Variants in FAM185A observed in about 807,000 individuals in gnomAD.
FAM185A encodes protein FAM185A.
FAM185A carries 21 observed loss-of-function variants against 45.7 expected under a neutral mutation model. The ratio of observed to expected loss-of-function variants is 0.46; its 90% CI spans 0.33 to 0.66. The LOEUF is 0.66. FAM185A is among the 30% of genes least tolerant of loss of function. The probability of loss-of-function intolerance (pLI) is 0.03; values close to 1 mark genes in which losing one functional copy is unlikely to be tolerated. For missense variants in FAM185A, 305 were observed against 485.4 expected, an observed-to-expected ratio of 0.63 and a Z score of 3.49; for synonymous variants, 117 against 194.0, an observed-to-expected ratio of 0.60 and a Z score of 3.30.
intron 7 of FAM185A, among the ~76,000 whole-genome samples, chr7:102,788,162 TTTTACCATGTTGGCCAGGCTGC>T: frequency 6.6e-6 from 1 of 151,960 alleles, no homozygotes; most frequent in Admixed American, 6.6e-5. Context: ...AGAGACAGGG[TTTTACCATGTTGGCCAGGCTGC>T]TCTCAAATTC....
At chr7:102,845,923 A>G in the FAM185A span, among the ~76,000 whole-genome samples, 1 of 152,176 alleles carries the variant, frequency 6.6e-6, no homozygotes, top group Admixed American at 6.5e-5. Context: ...TTATGACTAA[A>G]AGCATCCTTT....
At chr7:102,827,982 G>A in the FAM185A span, among the ~76,000 whole-genome samples, 130 of 152,222 alleles carry the variant, frequency 8.5e-4, no homozygotes, top group South Asian at 4.4e-3. Flanking sequence ...TTTGGTTACC[G>A]TAGCCTTGTA....
At chr7:102,806,563 G>GT (rs1259543894) in intron 7 of FAM185A, among the ~76,000 whole-genome samples, 2 of 126,440 alleles carry the variant, frequency 1.6e-5, no homozygotes, top group Non-Finnish European at 3.3e-5. Flanking sequence ...GTTTGTTTGT[G>GT]TTTTTTTGTT....
chr7:102,798,735 T>C (rs1263463155), intron 7 of FAM185A, among the ~76,000 whole-genome samples: 3 of 152,086 alleles, frequency 2.0e-5, no homozygotes, highest in Non-Finnish European at 4.4e-5. Flanking sequence ...TTTTATTTTA[T>C]TTTTAAATTT....
At chr7:102,815,112 T>C in the FAM185A span, among the ~76,000 whole-genome samples, 1 of 152,082 alleles carries the variant, frequency 6.6e-6, no homozygotes, top group Non-Finnish European at 1.5e-5. Flanking sequence ...CAAGGCTCCA[T>C]CATTACCCTT....
At chr7:102,804,748 C>G (rs1261925832) in intron 7 of FAM185A, among the ~76,000 whole-genome samples, 1 of 152,192 alleles carries the variant, frequency 6.6e-6, no homozygotes, top group South Asian at 2.1e-4. Flanking sequence ...AAACAGACAA[C>G]CCACAGAGTG....
At position 102,808,448 on chromosome 7, in the gene FAM185A, TC is replaced by T; in HGVS notation, c.*47del. The T allele has an allele frequency of 8.8e-7, 1 of 1,131,716 alleles. No homozygotes were observed. The highest frequency in any genetic ancestry group is 1.3e-6 in the Non-Finnish European group (1 of 766,696). The allele number at this position is 1,131,716 out of a possible 1,614,324, so 70.1% of individuals were successfully genotyped here. A position where few individuals can be genotyped will look rare whatever the true frequency, so the allele number is the denominator to read the frequency against. ...ATGATTTTTAACAATGATTCGCAGA[TC>T]TGTGACTACAAAAATGTAAATCCCA... On this transcript the variant is annotated 3_prime_UTR_variant, in exon 8 of 8. Transcript: ENST00000413034.
chr7:102,775,075 T>A (rs1794977333), intron 5 of FAM185A, among the ~76,000 whole-genome samples: 1 of 152,184 alleles, frequency 6.6e-6, no homozygotes, highest in South Asian at 2.1e-4. Flanking sequence ...ATATTTAAGG[T>A]ATACATGCAA....
chr7:102,784,418 G>A (rs185080603), intron 6 of FAM185A, among the ~76,000 whole-genome samples: 10 of 152,218 alleles, frequency 6.6e-5, no homozygotes, highest in Admixed American at 2.6e-4. Flanking sequence ...GATGAACATC[G>A]ATGCAAAAAT....
the FAM185A span, chr7:102,832,731 CA>C: frequency 2.3e-6 from 3 of 1,306,404 alleles, no homozygotes; most frequent in Non-Finnish European, 3.0e-6. Context: ...ATGAATACCT[CA>C]ACCATGGCAA....
chr7:102,823,036 C>T, the FAM185A span, among the ~76,000 whole-genome samples: 1 of 152,090 alleles, frequency 6.6e-6, no homozygotes, highest in South Asian at 2.1e-4. Context: ...CACTGGGTGA[C>T]GTAGCCTCAG....
intron 4 of FAM185A, among the ~76,000 whole-genome samples, chr7:102,768,805 G>A (rs896740536): frequency 2.0e-5 from 3 of 151,982 alleles, no homozygotes; most frequent in African/African-American, 7.2e-5. Context: ...TTGAGAGTAG[G>A]GTAAGCACAC....
At chr7:102,782,136 A>C (rs6953009) in intron 6 of FAM185A, among the ~76,000 whole-genome samples, 34,422 of 152,112 alleles carry the variant, frequency 0.23, 4,279 homozygotes, top group African/African-American at 0.34. Context: ...ACCTCCAAGA[A>C]ATATGGGACT....
intron 1 of FAM185A, among the ~76,000 whole-genome samples, chr7:102,750,762 G>T (rs889471381): frequency 1.3e-5 from 2 of 152,112 alleles, no homozygotes; most frequent in African/African-American, 4.8e-5. Flanking sequence ...AAATATCAGC[G>T]TTTTTAATTT....
intron 2 of FAM185A, among the ~76,000 whole-genome samples, chr7:102,754,070 T>C (rs1322749985): frequency 6.6e-6 from 1 of 152,246 alleles, no homozygotes; most frequent in African/African-American, 2.4e-5. Context: ...GAGAACACTT[T>C]GGTAAAATAT....
chr7:102,822,838 T>G, the FAM185A span, among the ~76,000 whole-genome samples: 1 of 152,212 alleles, frequency 6.6e-6, no homozygotes, highest in African/African-American at 2.4e-5. Flanking sequence ...TTTGGTAGGC[T>G]GAGGCAGGCA....
At chr7:102,799,186 T>G (rs2129443622) in intron 7 of FAM185A, among the ~76,000 whole-genome samples, 1 of 152,122 alleles carries the variant, frequency 6.6e-6, no homozygotes, top group African/African-American at 2.4e-5. Context: ...GAACCCCTTA[T>G]TGATGAAGAG....
the FAM185A span, among the ~76,000 whole-genome samples, chr7:102,836,929 A>C: frequency 6.6e-6 from 1 of 152,238 alleles, no homozygotes; most frequent in Non-Finnish European, 1.5e-5. Context: ...ATTAGGTCCC[A>C]ATTAATTCTA....
chr7:102,834,348 G>C, the FAM185A span, among the ~76,000 whole-genome samples: 2 of 146,294 alleles, frequency 1.4e-5, no homozygotes, highest in African/African-American at 5.0e-5. Flanking sequence ...ACCCTAATGG[G>C]TTACTAAAGA....
Sources: allele counts gnomAD v4.1 joint callset (sites outside exome capture counted in the v4.1 genomes callset), GRCh38; gene constraint gnomAD v4.1.1; transcripts MANE v1.5; gene names NCBI Gene and HGNC (gene_info 2026-07-23, HGNC 2026-07-21).